Variants in AGTR1 observed in about 807,000 individuals in gnomAD.
AGTR1 encodes the protein angiotensin II receptor type 1, also known as type-1 angiotensin II receptor.
A neutral mutation model predicts 19.4 loss-of-function variants in AGTR1; 16 were observed. The observed-to-expected ratio is 0.82, with a 90% CI of 0.56 to 1.25. The LOEUF (loss-of-function observed/expected upper bound fraction) is 1.25, where lower values mean the gene tolerates loss of function less well. Among genes scored for constraint, AGTR1 ranks in the 50% most tolerant of loss-of-function variants. The pLI is 0.00. For missense variants in AGTR1, 373 were observed against 431.9 expected (o/e 0.86, Z 1.21); for synonymous variants, 153 against 154.9 (o/e 0.99, Z 0.09).
At chr3:148,702,603 T>G (rs1712412911) in intron 1 of AGTR1, among the ~76,000 whole-genome samples, 1 of 152,186 alleles carries the variant, frequency 6.6e-6, no homozygotes, top group South Asian at 2.1e-4. Context: ...GGCCCCTCCT[T>G]CTGTCCTGCC....
intron 2 of AGTR1, among the ~76,000 whole-genome samples, chr3:148,732,464 T>G (rs1393566900): frequency 6.6e-6 from 1 of 152,256 alleles, no homozygotes; most frequent in Admixed American, 6.5e-5. Flanking sequence ...TTGAGTTTCT[T>G]TATTCATCTT....
At chr3:148,703,849 G>A (rs992041085) in intron 1 of AGTR1, among the ~76,000 whole-genome samples, 1 of 151,752 alleles carries the variant, frequency 6.6e-6, no homozygotes, top group South Asian at 2.1e-4. Flanking sequence ...AAGCAAACAA[G>A]ATCTATTCCA....
intron 2 of AGTR1, among the ~76,000 whole-genome samples, chr3:148,738,703 A>C (rs1213885299): frequency 1.3e-5 from 2 of 152,196 alleles, no homozygotes; most frequent in Non-Finnish European, 2.9e-5. Context: ...AGTTTCTAAA[A>C]GCACCAAGGA....
chr3:148,724,170 C>T (rs1202483056), intron 2 of AGTR1, among the ~76,000 whole-genome samples: 1 of 152,172 alleles, frequency 6.6e-6, no homozygotes, highest in Non-Finnish European at 1.5e-5. Flanking sequence ...ACAATTGGCA[C>T]AGTTGACTAT....
chr3:148,709,127 A>G (rs1712840984), intron 2 of AGTR1, among the ~76,000 whole-genome samples: 1 of 151,346 alleles, frequency 6.6e-6, no homozygotes, highest in South Asian at 2.1e-4. Context: ...TTTTTTTCTG[A>G]TTTTGTTTTT....
Position 148,708,213 on chromosome 3 carries a change from A to G in AGTR1, c.-48+186A>G, listed in dbSNP as rs2276734. ...ACAGATTAAGAGCGTTTGTATTTAT[A>G]TGGTTTTAAACATAAATAACATCAG... On this transcript the variant is annotated intron_variant, in intron 2 of 2. Transcript: ENST00000349243. Among the ~76,000 whole-genome samples, 15 of 152,290 alleles carry G rather than the reference A, an allele frequency of 9.8e-5. No homozygotes were observed. In the East Asian group the frequency reaches 1.4e-3, roughly 14 times the overall value.
intron 2 of AGTR1, among the ~76,000 whole-genome samples, chr3:148,735,301 G>T (rs1218546801): frequency 6.6e-6 from 1 of 152,128 alleles, no homozygotes; most frequent in Non-Finnish European, 1.5e-5. Flanking sequence ...ATATAAGGTT[G>T]AAAACTAAGC....
chr3:148,728,621 G>T (rs1274997903), intron 2 of AGTR1, among the ~76,000 whole-genome samples: 3 of 152,146 alleles, frequency 2.0e-5, no homozygotes, highest in Non-Finnish European at 4.4e-5. Flanking sequence ...GTGCTTCAGG[G>T]AATTTCTGTG....
At chr3:148,726,462 C>T (rs556539965) in intron 2 of AGTR1, among the ~76,000 whole-genome samples, 1 of 152,190 alleles carries the variant, frequency 6.6e-6, no homozygotes, top group African/African-American at 2.4e-5. Flanking sequence ...CCACCTTGGC[C>T]TCCCAAAGTG....
At chr3:148,735,202 A>G (rs537714915) in intron 2 of AGTR1, among the ~76,000 whole-genome samples, 30 of 152,364 alleles carry the variant, frequency 2.0e-4, no homozygotes, top group African/African-American at 7.2e-4. Context: ...ATGAAAGACT[A>G]GAAAACTTCT....
intron 1 of AGTR1, among the ~76,000 whole-genome samples, chr3:148,700,321 C>T (rs1712263952): frequency 1.3e-5 from 2 of 152,094 alleles, no homozygotes; most frequent in African/African-American, 2.4e-5. Flanking sequence ...ACCCAAAGCC[C>T]AGGTAAAATG....
At chr3:148,727,516 G>A (rs1314117850) in intron 2 of AGTR1, among the ~76,000 whole-genome samples, 6 of 152,104 alleles carry the variant, frequency 3.9e-5, no homozygotes, top group Admixed American at 3.3e-4. Flanking sequence ...TTGGGGCCAC[G>A]ACAACAGCCA....
Position 148,701,438 on chromosome 3 carries a change from A to G in AGTR1, c.-132+3311A>G, listed in dbSNP as rs1416087160. ...ATATGAAAATCAAAATTGTCTTCCA[A>G]AATATTTAAGTAACAAAAAATTCAT... On this transcript the variant is annotated intron_variant, in intron 1 of 2. Transcript: ENST00000349243. 6.6e-5 allele frequency among the ~76,000 whole-genome samples: 10 copies of G among 152,350 alleles called. No homozygotes were observed. In the South Asian group the frequency reaches 1.4e-3, roughly 22 times the overall value.
At chr3:148,707,881 A>T (rs1450731049) in intron 1 of AGTR1, 63 bp from the exon 2 acceptor site, 1 of 152,194 alleles carries the variant, frequency 6.6e-6, no homozygotes, top group Non-Finnish European at 1.5e-5. Flanking sequence ...CTTACTCTGT[A>T]AATTAAAAAA....
At chr3:148,737,200 G>A (rs1255055986) in intron 2 of AGTR1, among the ~76,000 whole-genome samples, 1 of 152,108 alleles carries the variant, frequency 6.6e-6, no homozygotes, top group Non-Finnish European at 1.5e-5. Flanking sequence ...GAAATGCCCA[G>A]TGCACATCCA....
At chr3:148,720,348 A>G (rs1713561005) in intron 2 of AGTR1, among the ~76,000 whole-genome samples, 3 of 30,208 alleles carry the variant, frequency 9.9e-5, no homozygotes, top group African/African-American at 9.2e-4. Context: ...TTTTCATACC[A>G]AATTATTAAA....
chr3:148,715,533 A>G lies in AGTR1; in HGVS notation c.-48+7506A>G, dbSNP rs1314302625. Among the ~76,000 whole-genome samples, 4 of 152,164 alleles carry G rather than the reference A, an allele frequency of 2.6e-5. No homozygotes were observed. The East Asian group carries it at 7.7e-4, about 29-fold the overall frequency. On this transcript the variant is annotated intron_variant, in intron 2 of 2. Transcript: ENST00000349243. The stretch of plus-strand genomic sequence containing the variant: ...AGAGACATCCCCCAGAGTAAGAAAT[A>G]AGAAATAATCATGAGTAGAATGAGA...
rs148085656 is a variant in AGTR1 at position 148,740,340 on chromosome 3, A to C, written c.-47-649A>C. Among the ~76,000 whole-genome samples the C allele has an allele frequency of 4.9e-3, 754 of 152,354 alleles. 7 individuals carry two copies. Among genetic ancestry groups the C allele is most frequent in the African/African-American group, 0.017 (715 of 41,586 alleles). Reference sequence around the variant, plus strand: ...AGACTGAATTGGAAGTTAAAGAGTAAGTAGTTACTGACTGCAGAGGCCTGG... The same window carrying C: ...AGACTGAATTGGAAGTTAAAGAGTACGTAGTTACTGACTGCAGAGGCCTGG... On this transcript the variant is annotated intron_variant, in intron 2 of 2. Coordinates refer to ENST00000349243, the MANE Select transcript of AGTR1 (RefSeq NM_000685.5).
At chr3:148,719,218 C>A (rs1473692582) in intron 2 of AGTR1, among the ~76,000 whole-genome samples, 1 of 151,992 alleles carries the variant, frequency 6.6e-6, no homozygotes, top group Non-Finnish European at 1.5e-5. Flanking sequence ...AAGGAAATTG[C>A]GCAGAAAGTG....
Sources: gnomAD v4.1 joint callset for allele counts (sites outside exome capture counted in the v4.1 genomes callset) on GRCh38, gnomAD v4.1.1 for gene constraint, MANE v1.5 for transcripts, NCBI Gene and HGNC (gene_info 2026-07-23, HGNC 2026-07-21) for gene names.